Variants in FAM107B observed in about 807,000 individuals in gnomAD.
FAM107B encodes the protein protein FAM107B.
FAM107B carries 21 observed loss-of-function variants against 31.5 expected under a neutral mutation model. That is an observed-to-expected ratio of 0.67 (90% CI 0.47 to 0.96). The LOEUF (loss-of-function observed/expected upper bound fraction) is 0.96. Among genes scored for constraint, FAM107B ranks in the 40% least tolerant of loss-of-function variants. FAM107B has a pLI of 0.00. For synonymous variants in FAM107B, 157 were observed against 141.5 expected, an observed-to-expected ratio of 1.11 and a Z score of -0.78; for missense variants, 452 against 377.1, an observed-to-expected ratio of 1.20 and a Z score of -1.64.
In FAM107B at chr10:14,521,126, G is replaced by T; in HGVS notation, c.*64C>A. The stretch of plus-strand genomic sequence containing the variant: ...TATTCTCCAGGGGCTTTTGCCCTGA[G>T]ATTGAGAAGGCACCCACAGACAGCT... On this transcript the variant is annotated 3_prime_UTR_variant, in exon 5 of 5. Coordinates refer to ENST00000181796, the MANE Select transcript of FAM107B (RefSeq NM_031453.4). The T allele has an allele frequency of 1.6e-6, 2 of 1,279,342 alleles. No individual in the cohort carries two copies. The highest frequency in any genetic ancestry group is 2.2e-6 in the Non-Finnish European group (2 of 900,768). The allele number at this position is 1,279,342 out of a possible 1,614,324, so 79.2% of individuals were successfully genotyped here.
At chr10:14,624,281 G>T (rs1258309610) in intron 2 of FAM107B, among the ~76,000 whole-genome samples, 2 of 152,296 alleles carry the variant, frequency 1.3e-5, no homozygotes, top group South Asian at 2.1e-4. Context: ...CTGTTCCAAG[G>T]CTGGTGGGAA....
At chr10:14,666,556 T>C (rs1854408575) in intron 2 of FAM107B, among the ~76,000 whole-genome samples, 1 of 151,800 alleles carries the variant, frequency 6.6e-6, no homozygotes, top group Non-Finnish European at 1.5e-5. Flanking sequence ...CCATAACAGA[T>C]TGGAATGAGA....
chr10:14,673,611 T>C (rs1854610419), intron 1 of FAM107B, among the ~76,000 whole-genome samples: 3 of 152,184 alleles, frequency 2.0e-5, no homozygotes. Context: ...AGTGTAGATA[T>C]CTCTTTGACA....
At chr10:14,728,819 G>A (rs558512976) in intron 1 of FAM107B, among the ~76,000 whole-genome samples, 4 of 152,208 alleles carry the variant, frequency 2.6e-5, no homozygotes, top group South Asian at 4.2e-4. Flanking sequence ...ATTCATTCTG[G>A]GTAGATTTTT....
intron 2 of FAM107B, chr10:14,604,342 G>A (rs1852517566): frequency 1.2e-6 from 1 of 802,686 alleles, no homozygotes; most frequent in South Asian, 5.5e-5. Flanking sequence ...GAGGCGGCGC[G>A]AGGGCGGCTC....
intron 2 of FAM107B, among the ~76,000 whole-genome samples, chr10:14,544,986 A>G (rs1848563925): frequency 1.3e-5 from 2 of 152,202 alleles, no homozygotes; most frequent in Admixed American, 1.3e-4. Context: ...CGGCACCATC[A>G]TGGAATTAGT....
intron 2 of FAM107B, among the ~76,000 whole-genome samples, chr10:14,656,641 T>C (rs1418400015): frequency 6.6e-6 from 1 of 152,266 alleles, no homozygotes; most frequent in East Asian, 1.9e-4. Context: ...GATCATCACT[T>C]TACTTCTGAT....
At chr10:14,767,055 T>TATATATATATATATATAGAG (rs1440609298) in intron 1 of FAM107B, among the ~76,000 whole-genome samples, 4 of 18,276 alleles carry the variant, frequency 2.2e-4, no homozygotes, top group Non-Finnish European at 4.5e-4. Flanking sequence ...TATATATATA[T>TATATATATATATATATAGAG]AGAGAGAGAG....
intron 2 of FAM107B, among the ~76,000 whole-genome samples, chr10:14,665,101 T>C (rs1329416798): frequency 6.6e-6 from 1 of 152,218 alleles, no homozygotes; most frequent in East Asian, 1.9e-4. Flanking sequence ...TTTTTAGGTG[T>C]TTTTGAAGAA....
intron 2 of FAM107B, among the ~76,000 whole-genome samples, chr10:14,614,014 C>G (rs1852790639): frequency 2.0e-5 from 3 of 152,080 alleles, no homozygotes; most frequent in Non-Finnish European, 4.4e-5. Flanking sequence ...GCCTGTAGTC[C>G]CAGCTACTCG....
chr10:14,602,176 G>A (rs901284047), intron 2 of FAM107B, among the ~76,000 whole-genome samples: 1 of 152,128 alleles, frequency 6.6e-6, no homozygotes, highest in South Asian at 2.1e-4. Context: ...TCACTCACAG[G>A]CTACTACTGC....
At chr10:14,530,894 G>A (rs1014683173) in intron 2 of FAM107B, among the ~76,000 whole-genome samples, 8 of 152,170 alleles carry the variant, frequency 5.3e-5, no homozygotes, top group African/African-American at 1.4e-4. Context: ...TGGAACACTG[G>A]CCCACAATGG....
At position 14,667,710 on chromosome 10, in the gene FAM107B, A is replaced by T; in HGVS notation, c.412-19T>A. On this transcript the variant is annotated intron_variant, in intron 1 of 4. Coordinates refer to ENST00000181796, the MANE Select transcript of FAM107B (RefSeq NM_031453.4). ...CTTCTTCCTAAGCGCCAGCCCCATAAACCAGAAAAGCAGGGAGAAAGTAAA... is the reference window on the plus strand; with the variant it reads ...CTTCTTCCTAAGCGCCAGCCCCATATACCAGAAAAGCAGGGAGAAAGTAAA... 1 of 1,613,780 alleles carries T rather than the reference A, an allele frequency of 6.2e-7. No homozygotes were observed. Among genetic ancestry groups the T allele is most frequent in the Middle Eastern group, 1.6e-4 (1 of 6,062 alleles).
intron 2 of FAM107B, among the ~76,000 whole-genome samples, chr10:14,577,252 T>C (rs973742265): frequency 3.9e-5 from 6 of 152,244 alleles, no homozygotes; most frequent in Non-Finnish European, 7.3e-5. Context: ...AAACAGTTTA[T>C]GATACATCTT....
At chr10:14,617,193 G>A (rs765053895) in intron 2 of FAM107B, among the ~76,000 whole-genome samples, 4 of 152,094 alleles carry the variant, frequency 2.6e-5, no homozygotes, top group Non-Finnish European at 5.9e-5. Flanking sequence ...ATCATGCCCC[G>A]GTTTTCACTG....
intron 2 of FAM107B, among the ~76,000 whole-genome samples, chr10:14,562,886 G>A (rs532045662): frequency 2.0e-5 from 3 of 152,324 alleles, no homozygotes; most frequent in Non-Finnish European, 4.4e-5. Flanking sequence ...CATAGGACAA[G>A]ATATTCTTTT....
intron 2 of FAM107B, among the ~76,000 whole-genome samples, chr10:14,538,479 T>C (rs1238339001): frequency 9.9e-5 from 15 of 152,232 alleles, no homozygotes; most frequent in Non-Finnish European, 2.2e-4. Flanking sequence ...ATATACTGCA[T>C]GCGTCCATGT....
chr10:14,547,420 G>A (rs1249153849), intron 2 of FAM107B, among the ~76,000 whole-genome samples: 2 of 152,084 alleles, frequency 1.3e-5, no homozygotes, highest in Admixed American at 1.3e-4. Flanking sequence ...CAAATTGTGG[G>A]TCAAACAGGT....
intron 2 of FAM107B, among the ~76,000 whole-genome samples, chr10:14,595,887 G>A (rs1008796159): frequency 2.6e-5 from 4 of 152,144 alleles, no homozygotes; most frequent in African/African-American, 9.7e-5. Flanking sequence ...TGGTCTCCCT[G>A]CTTCTATTCC....
Sources: allele counts gnomAD v4.1 joint callset (sites outside exome capture counted in the v4.1 genomes callset), GRCh38; gene constraint gnomAD v4.1.1; transcripts MANE v1.5; gene names NCBI Gene and HGNC (gene_info 2026-07-23, HGNC 2026-07-21).